ADGRL3: variants seen among roughly 807,000 people sequenced by gnomAD.
The protein encoded by ADGRL3 is calcium-independent alpha-latrotoxin receptor 3.
Under a neutral mutation model 153.5 loss-of-function variants are expected in ADGRL3, and 62 were observed. The observed-to-expected ratio is 0.40, with a 90% CI of 0.33 to 0.50. The LOEUF (loss-of-function observed/expected upper bound fraction) is 0.50. Among genes scored for constraint, ADGRL3 ranks in the 20% least tolerant of loss-of-function variants. The pLI, the probability that ADGRL3 is intolerant of heterozygous loss-of-function variation, is 0.47. For missense variants in ADGRL3, 1,641 were observed against 1,859.4 expected (o/e 0.88, Z 2.16); for synonymous variants, 710 against 672.5 (o/e 1.06, Z -0.86).
chr4:61,770,906 G>A (rs2097077351), intron 8 of ADGRL3, among the ~76,000 whole-genome samples: 2 of 152,090 alleles, frequency 1.3e-5, no homozygotes, highest in South Asian at 2.1e-4. Context: ...AAGTGATGCG[G>A]GGTTTTTCCT....
At chr4:61,626,183 A>T (rs540858073) in intron 5 of ADGRL3, among the ~76,000 whole-genome samples, 67 of 152,210 alleles carry the variant, frequency 4.4e-4, no homozygotes, top group Middle Eastern at 3.4e-3. Flanking sequence ...TTTTTAAAAT[A>T]TTCCTGTATA....
intron 11 of ADGRL3, among the ~76,000 whole-genome samples, chr4:61,906,588 A>G (rs2098696810): frequency 6.6e-6 from 1 of 152,142 alleles, no homozygotes. Flanking sequence ...CAGTCTTCAC[A>G]TGTCAAAGTT....
chr4:61,698,441 C>T (rs1486707139), intron 6 of ADGRL3, among the ~76,000 whole-genome samples: 1 of 151,984 alleles, frequency 6.6e-6, no homozygotes, highest in African/African-American at 2.4e-5. Context: ...GACAGTGAGA[C>T]TCCATCTCAA....
At chr4:61,699,963 C>A (rs199638921) in intron 6 of ADGRL3, among the ~76,000 whole-genome samples, 20,011 of 148,508 alleles carry the variant, frequency 0.13, 1,370 homozygotes, top group Admixed American at 0.18. Context: ...CACACACACA[C>A]ACACAAAAAC....
intron 8 of ADGRL3, among the ~76,000 whole-genome samples, chr4:61,798,485 C>A (rs561741603): frequency 9.2e-5 from 14 of 152,252 alleles, no homozygotes; most frequent in African/African-American, 3.4e-4. Flanking sequence ...GAAACAAAAT[C>A]ATCTAAACTC....
chr4:61,715,462 T>C lies in ADGRL3; in HGVS notation c.584-15160T>C, dbSNP rs188597892. On this transcript the variant is annotated intron_variant, in intron 6 of 26. Coordinates refer to ENST00000683033, the MANE Select transcript of ADGRL3 (RefSeq NM_001387552.1). ...TCATATTTAATTCCAAAACAGCTAA[T>C]TAAGGAAGAATGGCTCTATAAGCAA... Among the ~76,000 whole-genome samples, 317 of 152,246 alleles carry C rather than the reference T, an allele frequency of 2.1e-3. 3 individuals are homozygous for C. The highest frequency in any genetic ancestry group is 7.1e-3 in the African/African-American group (294 of 41,556).
intron 1 of ADGRL3, among the ~76,000 whole-genome samples, chr4:61,361,435 C>T (rs1010593823): frequency 6.6e-6 from 1 of 152,062 alleles, no homozygotes; most frequent in Non-Finnish European, 1.5e-5. Context: ...TAACATTATA[C>T]TAGTCAAAGA....
intron 5 of ADGRL3, among the ~76,000 whole-genome samples, chr4:61,615,996 C>T (rs2091957587): frequency 6.6e-6 from 1 of 152,008 alleles, no homozygotes; most frequent in Admixed American, 6.6e-5. Context: ...TTCAATAAAA[C>T]TGGCTATTTC....
intron 11 of ADGRL3, among the ~76,000 whole-genome samples, chr4:61,901,941 A>G (rs767179064): frequency 1.4e-4 from 22 of 152,334 alleles, no homozygotes; most frequent in South Asian, 6.2e-4. Flanking sequence ...AGTAGAATTT[A>G]GTAAAAGAAG....
chr4:61,660,041 T>C (rs996350105), intron 5 of ADGRL3, among the ~76,000 whole-genome samples: 15 of 152,150 alleles, frequency 9.9e-5, no homozygotes, highest in Non-Finnish European at 1.6e-4. Flanking sequence ...TCAAATGAAT[T>C]TGTGTGGAAC....
Position 62,074,714 on chromosome 4 carries a change from C to G in ADGRL3, c.*3806C>G, listed in dbSNP as rs1746613947. 1 of 152,072 alleles carries G rather than the reference C, an allele frequency of 6.6e-6. No individual in the cohort carries two copies. The highest frequency in any genetic ancestry group is 2.4e-5 in the African/African-American group (1 of 41,414). The allele number at this position is 152,072 out of a possible 1,614,324, so 9.4% of individuals were successfully genotyped here. On this transcript the variant is annotated 3_prime_UTR_variant, in exon 27 of 27. Transcript: ENST00000683033. ...CTTAACTTCCTGTAAAAAAAATTCA[C>G]ATTGACTCTAAATTAAGATGTAGTT... is the stretch of plus-strand genomic sequence containing the variant.
intron 4 of ADGRL3, among the ~76,000 whole-genome samples, chr4:61,559,537 A>G (rs1025288845): frequency 6.6e-6 from 1 of 152,094 alleles, no homozygotes; most frequent in East Asian, 1.9e-4. Flanking sequence ...CTTGTGCACT[A>G]ATAGTCAGTG....
chr4:61,613,243 A>G (rs148665921), intron 5 of ADGRL3, among the ~76,000 whole-genome samples: 1 of 152,168 alleles, frequency 6.6e-6, no homozygotes, highest in East Asian at 1.9e-4. Flanking sequence ...CTTTAGATTG[A>G]TCTAGGGACT....
At chr4:62,044,935 G>T (rs1730321961) in intron 25 of ADGRL3, among the ~76,000 whole-genome samples, 1 of 152,030 alleles carries the variant, frequency 6.6e-6, no homozygotes, top group South Asian at 2.1e-4. Flanking sequence ...CTTTGCGGAA[G>T]TAAAAGTATA....
At chr4:61,420,232 G>C (rs1057029076) in intron 2 of ADGRL3, 14 of 151,990 alleles carry the variant, frequency 9.2e-5, no homozygotes, top group Admixed American at 8.5e-4. Flanking sequence ...TTTACATAGA[G>C]AGTATTTTTA....
chr4:61,869,936 TAAAAAAAAAAAAA>T (rs1190618911), intron 9 of ADGRL3, among the ~76,000 whole-genome samples: 12 of 10,502 alleles, frequency 1.1e-3, no homozygotes, highest in Non-Finnish European at 2.3e-3. Flanking sequence ...AAAACTTTGT[TAAAAAAAAAAAAA>T]AAAAAAAAAA....
chr4:61,536,342 A>G (rs2098656020), intron 4 of ADGRL3, among the ~76,000 whole-genome samples: 1 of 152,098 alleles, frequency 6.6e-6, no homozygotes, highest in African/African-American at 2.4e-5. Flanking sequence ...GCAGATGAGG[A>G]AAATGTATAT....
intron 2 of ADGRL3, among the ~76,000 whole-genome samples, chr4:61,494,092 T>C (rs1488745972): frequency 7.2e-5 from 11 of 152,046 alleles, no homozygotes; most frequent in Non-Finnish European, 1.5e-4. Context: ...GTTTTTTTTT[T>C]TTTTTCACTA....
chr4:61,651,376 C>T (rs1220841710), intron 5 of ADGRL3, among the ~76,000 whole-genome samples: 1 of 151,978 alleles, frequency 6.6e-6, no homozygotes, highest in Non-Finnish European at 1.5e-5. Context: ...TTTCCTAAAT[C>T]AAAAATTACC....
Sources: gnomAD v4.1 joint callset for allele counts (sites outside exome capture counted in the v4.1 genomes callset) on GRCh38, gnomAD v4.1.1 for gene constraint, MANE v1.5 for transcripts, NCBI Gene and HGNC (gene_info 2026-07-23, HGNC 2026-07-21) for gene names.